The following KATNAL2 variants were observed in gnomAD, a reference collection of about 807,000 sequenced individuals.
The protein encoded by KATNAL2 is katanin catalytic subunit A1 like 2, also known as katanin p60 ATPase-containing subunit A-like 2.
Under a neutral mutation model 76.3 loss-of-function variants are expected in KATNAL2, and 52 were observed. That is an observed-to-expected ratio of 0.68 (90% confidence interval 0.55 to 0.86). The LOEUF (loss-of-function observed/expected upper bound fraction) is 0.86, where lower values mean the gene tolerates loss of function less well. Among genes scored for constraint, KATNAL2 ranks in the 40% least tolerant of loss-of-function variants. KATNAL2 has a pLI of 0.00. For missense variants in KATNAL2, 660 were observed against 668.9 expected (o/e 0.99, Z 0.15); for synonymous variants, 243 against 244.2 (o/e 1.00, Z 0.05).
intron 10 of KATNAL2, among the ~76,000 whole-genome samples, chr18:47,064,044 TC>T (rs1318277283): frequency 2.0e-5 from 3 of 152,252 alleles, no homozygotes; most frequent in African/African-American, 7.2e-5. Flanking sequence ...TTTAAAATGA[TC>T]CCCAAAATTC....
intron 8 of KATNAL2, among the ~76,000 whole-genome samples, chr18:47,062,116 G>C (rs531876130): frequency 6.6e-6 from 1 of 152,092 alleles, no homozygotes; most frequent in Non-Finnish European, 1.5e-5. Context: ...ATGCTGGTTC[G>C]CACCTGTAAT....
At chr18:46,920,054 C>G (rs747582803) in intron 1 of KATNAL2, 1 of 1,289,472 alleles carries the variant, frequency 7.8e-7, no homozygotes, top group South Asian at 1.2e-5. Context: ...CCCACTGAAA[C>G]TTACGTGCAG....
At chr18:46,928,140 C>T (rs2058789243) in intron 1 of KATNAL2, among the ~76,000 whole-genome samples, 1 of 152,208 alleles carries the variant, frequency 6.6e-6, no homozygotes, top group Non-Finnish European at 1.5e-5. Flanking sequence ...AGCTGCGTTC[C>T]TTTGGAGGAG....
At chr18:46,954,889 G>T (rs571683351) in intron 3 of KATNAL2, among the ~76,000 whole-genome samples, 1 of 152,226 alleles carries the variant, frequency 6.6e-6, no homozygotes, top group African/African-American at 2.4e-5. Flanking sequence ...CTGACCTCAA[G>T]TGATCCACCT....
At chr18:46,918,078 T>TGG (rs1296566820) in intron 1 of KATNAL2, 152 bp downstream of exon 1, 14 of 150,724 alleles carry the variant, frequency 9.3e-5, no homozygotes, top group African/African-American at 2.9e-4. Flanking sequence ...GCGGTGGGGT[T>TGG]GGGGGCGGGG....
Position 46,946,853 on chromosome 18 carries a change from G to A in KATNAL2, c.-19-1G>A, listed in dbSNP as rs913903062. ...ACTGACTACTTTTCTCCCTTCTCTAGGGTCCTAGCACAGTGTCTGATGGAG... is the reference window on the plus strand; with the variant it reads ...ACTGACTACTTTTCTCCCTTCTCTAAGGTCCTAGCACAGTGTCTGATGGAG... On this transcript the variant is annotated splice_acceptor_variant, in intron 2 of 17. Coordinates refer to ENST00000683218, the MANE Select transcript of KATNAL2 (RefSeq NM_001387690.1). LOFTEE classifies it low-confidence loss of function (5UTR_SPLICE). 9 of 1,535,208 alleles carry A rather than the reference G, an allele frequency of 5.9e-6. No homozygotes were observed. In the African/African-American group the frequency reaches 9.6e-5, roughly 16 times the overall value.
chr18:47,061,283 C>T (rs2576035), intron 8 of KATNAL2, among the ~76,000 whole-genome samples: 61,013 of 152,054 alleles, frequency 0.4, 12,287 homozygotes, highest in Admixed American at 0.51. Flanking sequence ...ATCTGCTCAG[C>T]TTCTGGTGAG....
At chr18:47,049,012 T>G (rs905102355) in intron 4 of KATNAL2, among the ~76,000 whole-genome samples, 2 of 152,130 alleles carry the variant, frequency 1.3e-5, no homozygotes, top group African/African-American at 4.8e-5. Context: ...TTGTTTTGTA[T>G]TTTTAGTAGA....
At chr18:47,039,729 A>G (rs1235922220) in intron 3 of KATNAL2, among the ~76,000 whole-genome samples, 1 of 152,226 alleles carries the variant, frequency 6.6e-6, no homozygotes, top group Non-Finnish European at 1.5e-5. Context: ...TGTTTCAATT[A>G]GGAAGAAGCA....
rs1339706450 is a variant in KATNAL2, at chr18:47,062,148, G to C, written c.550-824G>C. ...TAATCCCAGCCCTTTGGGAGGCTAA[G>C]GTGGGAGTATAACTCGAGCTCAGGA... is the stretch of plus-strand genomic sequence containing the variant. On this transcript the variant is annotated intron_variant, in intron 8 of 17. Coordinates refer to ENST00000683218, the MANE Select transcript of KATNAL2 (RefSeq NM_001387690.1). Among the ~76,000 whole-genome samples the C allele has an allele frequency of 2.6e-5, 4 of 152,220 alleles. No individual in the cohort carries two copies. In the East Asian group the frequency reaches 7.7e-4, roughly 29 times the overall value.
At chr18:47,047,604 A>G (rs1176245373) in intron 4 of KATNAL2, among the ~76,000 whole-genome samples, 1 of 152,076 alleles carries the variant, frequency 6.6e-6, no homozygotes, top group African/African-American at 2.4e-5. Flanking sequence ...ATGATATAAG[A>G]GTAAGAGAGC....
chr18:47,059,531 TG>T, intron 7 of KATNAL2, 24 bp from the exon 8 acceptor site: 1 of 1,523,266 alleles, frequency 6.6e-7, no homozygotes, highest in Non-Finnish European at 9.1e-7. Flanking sequence ...TCACAGCCGA[TG>T]TGTCCTTGTC....
intron 14 of KATNAL2, among the ~76,000 whole-genome samples, chr18:47,076,795 AAT>A (rs1024567513): frequency 8.5e-6 from 1 of 118,116 alleles, no homozygotes; most frequent in African/African-American, 3.0e-5. Context: ...ATAATAAATA[AAT>A]TATATATATA....
At chr18:47,059,970 G>C (rs1048953933) in intron 8 of KATNAL2, among the ~76,000 whole-genome samples, 15 of 150,708 alleles carry the variant, frequency 1.0e-4, no homozygotes, top group African/African-American at 3.4e-4. Flanking sequence ...ACAAACATTG[G>C]CATGATCATC....
chr18:47,066,152 A>G (rs2061785774), intron 10 of KATNAL2, among the ~76,000 whole-genome samples: 1 of 151,692 alleles, frequency 6.6e-6, no homozygotes, highest in Non-Finnish European at 1.5e-5. Context: ...TAAAAATTAT[A>G]TAAATATAAT....
At chr18:47,041,493 T>C (rs920510636) in intron 3 of KATNAL2, among the ~76,000 whole-genome samples, 3 of 152,244 alleles carry the variant, frequency 2.0e-5, no homozygotes, top group Non-Finnish European at 4.4e-5. Flanking sequence ...CTTAGTGATA[T>C]GCATCTAAAT....
intron 1 of KATNAL2, among the ~76,000 whole-genome samples, chr18:46,928,470 C>T (rs1353043426): frequency 2.6e-5 from 4 of 152,028 alleles, no homozygotes; most frequent in South Asian, 2.1e-4. Context: ...AGTACCTGGC[C>T]GTGTGAGGTG....
chr18:47,030,958 T>C (rs2060379199), intron 3 of KATNAL2, among the ~76,000 whole-genome samples: 1 of 75,964 alleles, frequency 1.3e-5, no homozygotes, highest in Non-Finnish European at 2.6e-5. Flanking sequence ...AGCGAGCAGA[T>C]GTGATCAGGG....
At chr18:47,066,877 A>ATATATG (rs2061823460) in intron 10 of KATNAL2, 144 bp from the exon 11 acceptor site, 1 of 98,850 alleles carries the variant, frequency 1.0e-5, no homozygotes, top group African/African-American at 3.8e-5. Context: ...ATATATATAT[A>ATATATG]TATATATATA....
Sources: gnomAD v4.1 joint callset for allele counts (sites outside exome capture counted in the v4.1 genomes callset) on GRCh38, gnomAD v4.1.1 for gene constraint, MANE v1.5 for transcripts, NCBI Gene and HGNC (gene_info 2026-07-23, HGNC 2026-07-21) for gene names.